SCAPER: variants seen among roughly 807,000 people sequenced by gnomAD.
SCAPER encodes S-phase cyclin A associated protein in the ER, also known as S phase cyclin A-associated protein in the endoplasmic reticulum.
In SCAPER, 98 loss-of-function variants were observed where a neutral mutation model predicts 182.2. The ratio of observed to expected loss-of-function variants is 0.54; its 90% CI spans 0.46 to 0.64. The LOEUF (loss-of-function observed/expected upper bound fraction) is 0.64, where lower values mean the gene tolerates loss of function less well. Ranked by LOEUF, SCAPER falls within the 30% of genes least tolerant of loss-of-function variation. The pLI, the probability that SCAPER is intolerant of heterozygous loss-of-function variation, is 0.00. For missense variants in SCAPER, 1,432 were observed against 1,690.0 expected, an observed-to-expected ratio of 0.85 and a Z score of 2.68; for synonymous variants, 605 against 564.6, an observed-to-expected ratio of 1.07 and a Z score of -1.01.
intron 25 of SCAPER, among the ~76,000 whole-genome samples, chr15:76,452,650 A>C (rs1449567757): frequency 6.6e-6 from 1 of 152,226 alleles, no homozygotes; most frequent in African/African-American, 2.4e-5. Context: ...GCTCCAAGAA[A>C]TAAGCCCTAG....
intron 14 of SCAPER, among the ~76,000 whole-genome samples, chr15:76,762,078 T>G (rs1454173008): frequency 1.3e-5 from 2 of 152,198 alleles, no homozygotes; most frequent in Non-Finnish European, 2.9e-5. Flanking sequence ...GTCTGTTTTG[T>G]CTAAGTTTAG....
At chr15:76,592,217 A>T (rs2049174539) in intron 22 of SCAPER, among the ~76,000 whole-genome samples, 1 of 151,880 alleles carries the variant, frequency 6.6e-6, no homozygotes. Context: ...TGAAATTAAA[A>T]TATTTTTAAA....
At chr15:76,424,918 TTTTC>T (rs1472306319) in intron 26 of SCAPER, among the ~76,000 whole-genome samples, 2 of 152,220 alleles carry the variant, frequency 1.3e-5, no homozygotes, top group African/African-American at 4.8e-5. Flanking sequence ...TTGAAAATTC[TTTTC>T]TTTAAGAATG....
rs2056527970 is a variant in SCAPER at position 76,665,777 on chromosome 15, A to G, written c.2521T>C (p.Leu841=). The G allele has an allele frequency of 5.9e-6, 9 of 1,522,188 alleles. No homozygotes were observed. The highest frequency in any genetic ancestry group is 2.4e-5 in the East Asian group (1 of 40,872). The allele number at this position is 1,522,188 out of a possible 1,614,324, so 94.3% of individuals were successfully genotyped here. ...ACAATGTCAATAATGTACTTCTTCA[A>G]GGAAAGATGCTCCTGCAAGATAAAT... The part of the protein sequence containing the change: ...LSDEEVEHLS[L]KKYIIDIVVE... The change falls in exon 21 of 32, where the codon TTG becomes CTG. Residue 841 remains leucine, a synonymous_variant. Coordinates refer to ENST00000563290, the MANE Select transcript of SCAPER (RefSeq NM_020843.4).
chr15:76,531,686 T>C (rs2043680770), intron 23 of SCAPER, among the ~76,000 whole-genome samples: 1 of 152,172 alleles, frequency 6.6e-6, no homozygotes, highest in Admixed American at 6.5e-5. Context: ...CACACAGTGT[T>C]AATTATGATT....
At chr15:76,448,523 A>AC (rs2048160328) in intron 25 of SCAPER, among the ~76,000 whole-genome samples, 1 of 152,112 alleles carries the variant, frequency 6.6e-6, no homozygotes, top group Non-Finnish European at 1.5e-5. Context: ...CTGACTTGGG[A>AC]CCATCGGTGT....
At chr15:76,824,387 G>A (rs1181928649) in intron 5 of SCAPER, among the ~76,000 whole-genome samples, 1 of 152,190 alleles carries the variant, frequency 6.6e-6, no homozygotes, top group African/African-American at 2.4e-5. Context: ...CACAATACTA[G>A]TGCACAGGCC....
At chr15:76,771,704 T>C in intron 10 of SCAPER, 38 bp downstream of exon 10, 1 of 1,489,364 alleles carries the variant, frequency 6.7e-7, no homozygotes, top group Non-Finnish European at 9.4e-7. Flanking sequence ...ATACTCAGAA[T>C]TCTGATAAGT....
intron 25 of SCAPER, among the ~76,000 whole-genome samples, chr15:76,439,539 A>C (rs1436743166): frequency 6.6e-6 from 1 of 152,234 alleles, no homozygotes; most frequent in Non-Finnish European, 1.5e-5. Flanking sequence ...AATATGCATG[A>C]AATATGCACT....
chr15:76,635,667 G>C (rs941917633), intron 21 of SCAPER, among the ~76,000 whole-genome samples: 4 of 152,094 alleles, frequency 2.6e-5, no homozygotes, highest in Non-Finnish European at 4.4e-5. Context: ...TCATTCTTTT[G>C]CCACTGAGTA....
chr15:76,552,147 G>A (rs2045828415), intron 23 of SCAPER, among the ~76,000 whole-genome samples: 1 of 152,098 alleles, frequency 6.6e-6, no homozygotes, highest in Non-Finnish European at 1.5e-5. Flanking sequence ...GCCAAGCATG[G>A]TAGCACATGC....
chr15:76,652,525 A>G lies in SCAPER; in HGVS notation c.2645+13128T>C, dbSNP rs1412817644. ...TATATATATTTACATACATACACAC[A>G]CACACACACACACACACACACACAC... On this transcript the variant is annotated intron_variant, in intron 21 of 31. Coordinates refer to ENST00000563290, the MANE Select transcript of SCAPER (RefSeq NM_020843.4). Among the ~76,000 whole-genome samples the G allele has an allele frequency of 6.1e-3, 666 of 109,982 alleles. 3 individuals are homozygous for G. Among genetic ancestry groups the G allele is most frequent in the Non-Finnish European group, 8.1e-3 (437 of 53,964 alleles). 72.2% of individuals were successfully genotyped at this position (109,982 alleles called of 152,430 possible). A position where few individuals can be genotyped will look rare whatever the true frequency, so the allele number is the denominator to read the frequency against.
chr15:76,728,697 A>G lies in SCAPER; in HGVS notation c.2063T>C (p.Val688Ala). The part of the protein sequence containing the change: ...RALEAERQAR[V>A]EELLMKRKEQ... Reference sequence around the variant, plus strand: ...TTTCCTCTTCATTAACAATTCTTCTACACGGGCCTGCCGCTCTGCCTCTAG... The same window carrying G: ...TTTCCTCTTCATTAACAATTCTTCTGCACGGGCCTGCCGCTCTGCCTCTAG... Residue 688 changes from valine (V) to alanine (A), a missense_variant, in exon 17 of 32, where the codon GTA becomes GCA. Val to Ala is a moderately conservative substitution (Grantham distance 64). Transcript: ENST00000563290. The G allele has an allele frequency of 6.2e-7, 1 of 1,613,136 alleles. No homozygotes were observed. The highest frequency in any genetic ancestry group is 8.5e-7 in the Non-Finnish European group (1 of 1,179,564).
At chr15:76,450,713 C>T (rs2048317779) in intron 25 of SCAPER, among the ~76,000 whole-genome samples, 1 of 152,150 alleles carries the variant, frequency 6.6e-6, no homozygotes, top group African/African-American at 2.4e-5. Context: ...GCCACCACGC[C>T]TGGCTAATTT....
intron 17 of SCAPER, among the ~76,000 whole-genome samples, chr15:76,726,680 T>A (rs1336110292): frequency 6.6e-6 from 1 of 151,856 alleles, no homozygotes; most frequent in Non-Finnish European, 1.5e-5. Flanking sequence ...AGGAAGAAAA[T>A]CCTGACACAT....
intron 25 of SCAPER, among the ~76,000 whole-genome samples, chr15:76,452,011 T>G (rs555985368): frequency 1.3e-4 from 20 of 152,324 alleles, no homozygotes; most frequent in African/African-American, 4.8e-4. Flanking sequence ...TTTTATCTCC[T>G]TCCTTAACCT....
intron 23 of SCAPER, among the ~76,000 whole-genome samples, chr15:76,561,678 T>C (rs1269640410): frequency 1.3e-5 from 2 of 151,952 alleles, no homozygotes. Context: ...ATTATGCATC[T>C]ATACGGGCAA....
intron 26 of SCAPER, among the ~76,000 whole-genome samples, chr15:76,411,218 A>G (rs1052082066): frequency 4.6e-5 from 7 of 152,088 alleles, no homozygotes; most frequent in Non-Finnish European, 1.0e-4. Context: ...TGGGACAATA[A>G]TTCCTTTCTT....
In SCAPER at chr15:76,887,647, G is replaced by A. The variant is rs553972576; in HGVS notation, c.-59-3771C>T. ...CATGAGTAGGTAAACAAAGCAGCCA[G>A]GAGGCTCGAACTAGGCAGAGCCCCC... On this transcript the variant is annotated intron_variant, in intron 1 of 31. Transcript: ENST00000563290. Among the ~76,000 whole-genome samples, 77 of 152,314 alleles carry A rather than the reference G, an allele frequency of 5.1e-4. 2 individuals carry two copies. The South Asian group carries it at 0.011, about 22-fold the overall frequency.
Sources: gnomAD v4.1 joint callset for allele counts (sites outside exome capture counted in the v4.1 genomes callset) on GRCh38, gnomAD v4.1.1 for gene constraint, MANE v1.5 for transcripts, NCBI Gene and HGNC (gene_info 2026-07-23, HGNC 2026-07-21) for gene names.